Variants in CCT5 observed in about 807,000 individuals in gnomAD.
The protein encoded by CCT5 is T-complex protein 1 subunit epsilon.
In CCT5, 6 loss-of-function variants were observed where a neutral mutation model predicts 55.0. That is an observed-to-expected ratio of 0.11 (90% CI 0.06 to 0.22). CCT5 has a LOEUF of 0.22. CCT5 is among the 10% of genes least tolerant of loss of function. The pLI is 1.00. For missense variants in CCT5, 560 were observed against 694.6 expected, an observed-to-expected ratio of 0.81 and a Z score of 2.18; for synonymous variants, 231 against 243.7, an observed-to-expected ratio of 0.95 and a Z score of 0.49.
chr5:10,254,584 G>T, intron 2 of CCT5, 90 bp from the exon 3 acceptor site: 1 of 1,111,340 alleles, frequency 9.0e-7, no homozygotes. Context: ...AAATTGCACA[G>T]ATAAGAGCTG....
chr5:10,261,489 T>G, intron 7 of CCT5, 71 bp from the exon 8 acceptor site: 1 of 1,480,984 alleles, frequency 6.8e-7, no homozygotes, highest in Non-Finnish European at 9.4e-7. Context: ...GTTTTGCTCA[T>G]TTGTGGCCCA....
rs148990966 is a variant in CCT5 at position 10,261,087 on chromosome 5, CTG to C, written c.993+182_993+183del. On this transcript the variant is annotated intron_variant, in intron 7 of 10. Coordinates refer to ENST00000280326, the MANE Select transcript of CCT5 (RefSeq NM_012073.5). ...CTTTGTTACTGTTTGGATAACAGTGCTGTGTGTTTCTGGTGTTCCCTGGCATT... is the reference window on the plus strand; with the variant it reads ...CTTTGTTACTGTTTGGATAACAGTGCTGTGTTTCTGGTGTTCCCTGGCATT... 736 of 729,758 alleles carry C rather than the reference CTG, an allele frequency of 1.0e-3. 1 individual carries two copies. The African/African-American group carries it at 0.011, about 11-fold the overall frequency. 45.2% of individuals were successfully genotyped at this position (729,758 alleles called of 1,614,324 possible). A position where few individuals can be genotyped will look rare whatever the true frequency, so the allele number is the denominator to read the frequency against.
At chr5:10,252,972 T>TG (rs966790992) in intron 1 of CCT5, among the ~76,000 whole-genome samples, 1 of 151,234 alleles carries the variant, frequency 6.6e-6, no homozygotes, top group African/African-American at 2.4e-5. Context: ...TAGCTAAATG[T>TG]GAAAAAAAAA....
rs1745912751 is a variant in CCT5 at position 10,260,651 on chromosome 5, TTTCC to T, written c.874-133_874-130del. 2.8e-5 allele frequency: 24 copies of T among 866,608 alleles called. No individual in the cohort carries two copies. The South Asian group carries it at 3.3e-4, about 12-fold the overall frequency. 53.7% of individuals were successfully genotyped at this position (866,608 alleles called of 1,614,324 possible). ...TGACAGAAAAGTGGACACTTGTCTA[TTTCC>T]TTCCTTCTCTTTCCTTTGCTTTTGT... is the stretch of plus-strand genomic sequence containing the variant. On this transcript the variant is annotated intron_variant, in intron 6 of 10. Coordinates refer to ENST00000280326, the MANE Select transcript of CCT5 (RefSeq NM_012073.5).
rs1248217385 is a variant in CCT5 at position 10,254,854 on chromosome 5, A to G, written c.331+16A>G. 6.2e-6 allele frequency: 10 copies of G among 1,608,500 alleles called. No individual in the cohort carries two copies. The highest frequency in any genetic ancestry group is 8.5e-6 in the Non-Finnish European group (10 of 1,174,998). On this transcript the variant is annotated intron_variant, in intron 3 of 10. Transcript: ENST00000280326. ...GGAGTGGTTGGTAAGAAAAGACAAAACATCCTTTCTCATTTAAGAGACGTC... is the reference window on the plus strand; with the variant it reads ...GGAGTGGTTGGTAAGAAAAGACAAAGCATCCTTTCTCATTTAAGAGACGTC...
Position 10,265,883 on chromosome 5 carries a change from T to G in CCT5, c.*1100T>G, listed in dbSNP as rs1053513434. 6.6e-6 allele frequency: 1 copy of G among 152,206 alleles called. No homozygotes were observed. The highest frequency in any genetic ancestry group is 6.5e-5 in the Admixed American group (1 of 15,274). 9.4% of individuals were successfully genotyped at this position (152,206 alleles called of 1,614,324 possible). On this transcript the variant is annotated 3_prime_UTR_variant, in exon 11 of 11. Coordinates refer to ENST00000280326, the MANE Select transcript of CCT5 (RefSeq NM_012073.5). ...TTATCACTAGTTATGCCACCTTAAC[T>G]AGTCAGATTTCCTAGAATTAGGAAA...
At chr5:10,261,207 C>T in intron 7 of CCT5, 1 of 497,674 alleles carries the variant, frequency 2.0e-6, no homozygotes, top group Non-Finnish European at 3.7e-6. Flanking sequence ...AATGGCAGTC[C>T]CAGGCAACGG....
rs1475762459 is a variant in CCT5, at chr5:10,254,439, C to T, written c.166+234C>T. ...TGTAACATCATTTCATTAGCATTTT[C>T]CAAATCATAGTTGTCTTTTGAGATT... is the stretch of plus-strand genomic sequence containing the variant. On this transcript the variant is annotated intron_variant, in intron 2 of 10. Transcript: ENST00000280326. 5 of 585,406 alleles carry T rather than the reference C, an allele frequency of 8.5e-6. No individual in the cohort carries two copies. In the East Asian group the frequency reaches 1.4e-4, roughly 17 times the overall value. The allele number at this position is 585,406 out of a possible 1,614,324, so 36.3% of individuals were successfully genotyped here. A position where few individuals can be genotyped will look rare whatever the true frequency, so the allele number is the denominator to read the frequency against.
chr5:10,261,905 T>G lies in CCT5; in HGVS notation c.1179+160T>G, dbSNP rs1318859605. On this transcript the variant is annotated intron_variant, in intron 8 of 10. Transcript: ENST00000280326. ...GGTGTAAAATTACTGAAGACCATGT[T>G]AAATTGTTAATTTCACAAGGCACAT... The G allele has an allele frequency of 1.1e-5, 8 of 717,906 alleles. No individual in the cohort carries two copies. The African/African-American group carries it at 1.2e-4, about 11-fold the overall frequency. 44.5% of individuals were successfully genotyped at this position (717,906 alleles called of 1,614,324 possible).
chr5:10,264,545 A>C (rs1579460042), intron 10 of CCT5, 111 bp from the exon 11 acceptor site: 1 of 790,748 alleles, frequency 1.3e-6, no homozygotes, highest in Non-Finnish European at 2.3e-6. Flanking sequence ...CTTGGCTTCC[A>C]GGAGTTTGTA....
rs771351390 is a variant in CCT5 at position 10,250,313 on chromosome 5, G to A, written c.-28G>A. 20 of 1,613,502 alleles carry A rather than the reference G, an allele frequency of 1.2e-5. No homozygotes were observed. In the Admixed American group the frequency reaches 1.5e-4, roughly 12 times the overall value. On this transcript the variant is annotated 5_prime_UTR_variant, in exon 1 of 11. Coordinates refer to ENST00000280326, the MANE Select transcript of CCT5 (RefSeq NM_012073.5). ...GCTTCCGTAGCGGTCTCCGCCGGTT[G>A]GGGGGAAGTAATTCCGGTTGTTGCA...
At position 10,264,689 on chromosome 5, in the gene CCT5, T is replaced by C; in HGVS notation, c.1532T>C (p.Ile511Thr). 1 of 1,613,876 alleles carries C rather than the reference T, an allele frequency of 6.2e-7. No individual in the cohort carries two copies. The highest frequency in any genetic ancestry group is 8.5e-7 in the Non-Finnish European group (1 of 1,179,790). The change falls in exon 11 of 11, where the codon ATT becomes ACT. Residue 511 changes from isoleucine (I) to threonine (T), a missense_variant. Coordinates refer to ENST00000280326, the MANE Select transcript of CCT5 (RefSeq NM_012073.5). Reference sequence around the variant, plus strand: ...CAACAGCATGTCATAGAAACCTTGATTGGCAAAAAGCAACAGATATCTCTT... The same window carrying C: ...CAACAGCATGTCATAGAAACCTTGACTGGCAAAAAGCAACAGATATCTCTT... Reference protein sequence around the residue: ...MKQQHVIETLIGKKQQISLAT... With the variant: ...MKQQHVIETLTGKKQQISLAT...
At chr5:10,263,356 C>CT (rs1746071398) in intron 10 of CCT5, 42 bp downstream of exon 10, 1 of 1,318,078 alleles carries the variant, frequency 7.6e-7, no homozygotes, top group Non-Finnish European at 1.1e-6. Flanking sequence ...GGGGGGATGT[C>CT]TGATTTAAAC....
At chr5:10,250,563 C>T in intron 1 of CCT5, 118 bp downstream of exon 1, 1 of 1,520,618 alleles carries the variant, frequency 6.6e-7, no homozygotes, top group Non-Finnish European at 8.8e-7. Context: ...GGTCGAGAAT[C>T]TCCGTCTCCC....
chr5:10,260,926 G>C lies in CCT5; in HGVS notation c.993+15G>C, dbSNP rs914727704. The stretch of plus-strand genomic sequence containing the variant: ...CTGAAATTGAGGTAGGATGTTCCAC[G>C]TGAAGAGACTTTGAGAAGTAGGGGT... On this transcript the variant is annotated intron_variant, in intron 7 of 10. Coordinates refer to ENST00000280326, the MANE Select transcript of CCT5 (RefSeq NM_012073.5). 3 of 1,613,682 alleles carry C rather than the reference G, an allele frequency of 1.9e-6. No individual in the cohort carries two copies. The highest frequency in any genetic ancestry group is 2.5e-6 in the Non-Finnish European group (3 of 1,179,744).
intron 1 of CCT5, 141 bp from the exon 2 acceptor site, chr5:10,254,004 A>G (rs1371140677): frequency 1.5e-6 from 1 of 677,224 alleles, no homozygotes; most frequent in African/African-American, 1.8e-5. Context: ...TAATACTTAA[A>G]CCTGTCTGTT....
intron 6 of CCT5, among the ~76,000 whole-genome samples, chr5:10,260,048 G>A (rs1446473808): frequency 1.3e-5 from 2 of 152,148 alleles, no homozygotes; most frequent in Non-Finnish European, 2.9e-5. Context: ...GGGTTGTGAC[G>A]GAGAGATTGT....
chr5:10,260,668 C>G lies in CCT5; in HGVS notation c.874-124C>G, dbSNP rs1561050180. ...CTTGTCTATTTCCTTCCTTCTCTTT[C>G]CTTTGCTTTTGTGTTTGAGTGCACC... On this transcript the variant is annotated intron_variant, in intron 6 of 10. Transcript: ENST00000280326. 4 of 978,298 alleles carry G rather than the reference C, an allele frequency of 4.1e-6. No individual in the cohort carries two copies. In the African/African-American group the frequency reaches 4.8e-5, roughly 12 times the overall value. The allele number at this position is 978,298 out of a possible 1,614,324, so 60.6% of individuals were successfully genotyped here.
chr5:10,249,974 G>A (rs762876433), upstream of CCT5: 50 of 1,494,820 alleles, frequency 3.3e-5, no homozygotes, highest in Middle Eastern at 3.9e-4. Flanking sequence ...GCCGGAGTGC[G>A]AAGAAATAAA....
Sources: gnomAD v4.1 joint callset for allele counts (sites outside exome capture counted in the v4.1 genomes callset) on GRCh38, gnomAD v4.1.1 for gene constraint, MANE v1.5 for transcripts, NCBI Gene and HGNC (gene_info 2026-07-23, HGNC 2026-07-21) for gene names.